Variants in UBTD2 observed in about 807,000 individuals in gnomAD.
UBTD2 encodes ubiquitin domain-containing protein 2.
Under a neutral mutation model 19.8 loss-of-function variants are expected in UBTD2, and 9 were observed. That is an observed-to-expected ratio of 0.46 (90% confidence interval 0.27 to 0.79). The LOEUF (loss-of-function observed/expected upper bound fraction) is 0.79, where lower values mean the gene tolerates loss of function less well. UBTD2 is among the 30% of genes least tolerant of loss of function. The pLI is 0.14. For synonymous variants in UBTD2, 98 were observed against 103.9 expected, an observed-to-expected ratio of 0.94 and a Z score of 0.35; for missense variants, 250 against 300.4, an observed-to-expected ratio of 0.83 and a Z score of 1.24.
chr5:172,283,466 G>C lies in UBTD2; in HGVS notation c.70+130C>G. The C allele has an allele frequency of 3.0e-6, 2 of 674,454 alleles. No individual in the cohort carries two copies. Among genetic ancestry groups the C allele is most frequent in the South Asian group, 7.0e-5 (1 of 14,272 alleles). The allele number at this position is 674,454 out of a possible 1,614,324, so 41.8% of individuals were successfully genotyped here. A position where few individuals can be genotyped will look rare whatever the true frequency, so the allele number is the denominator to read the frequency against. On this transcript the variant is annotated intron_variant, in intron 1 of 2. Coordinates refer to ENST00000393792, the MANE Select transcript of UBTD2 (RefSeq NM_152277.3). This position sits in a 1 kb window ranked among gnomAD's most constrained non-coding sequence, Gnocchi z 4.3. ...GGCAGGACAGCCGGAAGCGGAGCGC[G>C]GGGAATGACGTGGAAGAGGGGATGA... is the stretch of plus-strand genomic sequence containing the variant.
At chr5:172,251,761 C>T (rs1228708294) in intron 1 of UBTD2, among the ~76,000 whole-genome samples, 1 of 152,098 alleles carries the variant, frequency 6.6e-6, no homozygotes, top group Non-Finnish European at 1.5e-5. Flanking sequence ...ACAAGAAATG[C>T]TAAAGGTAAT....
At chr5:172,255,473 TGA>T (rs1755121661) in intron 1 of UBTD2, 1 of 414,180 alleles carries the variant, frequency 2.4e-6, no homozygotes, top group Non-Finnish European at 4.9e-6. Flanking sequence ...TGTTTGGCTT[TGA>T]GAGGTGTGGT....
chr5:172,266,370 T>G (rs1367328543), intron 1 of UBTD2, among the ~76,000 whole-genome samples: 3 of 152,210 alleles, frequency 2.0e-5, no homozygotes, highest in African/African-American at 7.2e-5. Context: ...CCATTCTTCA[T>G]AAGCAACAGT....
rs1418807411 is a variant in UBTD2, at chr5:172,239,476, A to G, written c.71-5118T>C. Among the ~76,000 whole-genome samples, 3 of 151,820 alleles carry G rather than the reference A, an allele frequency of 2.0e-5. No individual in the cohort carries two copies. In the East Asian group the frequency reaches 5.9e-4, roughly 30 times the overall value. ...ACTCTTGTTGCCCAGGCTGGAGTGC[A>G]ATGGCATGATCTCGGCTCACTGCCA... On this transcript the variant is annotated intron_variant, in intron 1 of 2. Transcript: ENST00000393792.
intron 2 of UBTD2, among the ~76,000 whole-genome samples, chr5:172,227,544 A>AT (rs1164528145): frequency 0.018 from 2,669 of 146,478 alleles, 57 homozygotes; most frequent in African/African-American, 0.06. Flanking sequence ...TAAATGACAA[A>AT]TTTTTTTTTT....
chr5:172,255,749 G>A (rs988370579), intron 1 of UBTD2, among the ~76,000 whole-genome samples: 1 of 152,138 alleles, frequency 6.6e-6, no homozygotes, highest in Admixed American at 6.5e-5. Context: ...AGAAGAGGCT[G>A]GGACCCAGGG....
chr5:172,227,830 G>A (rs1010575262), intron 2 of UBTD2, among the ~76,000 whole-genome samples: 3 of 142,198 alleles, frequency 2.1e-5, no homozygotes, highest in Non-Finnish European at 4.5e-5. Context: ...ACAGGCACCC[G>A]CCACCATGCC....
intron 2 of UBTD2, among the ~76,000 whole-genome samples, chr5:172,215,396 A>G (rs946630985): frequency 6.6e-6 from 1 of 152,202 alleles, no homozygotes; most frequent in African/African-American, 2.4e-5. Context: ...AGCCCCTTCT[A>G]GCCATCTTGT....
At chr5:172,255,719 C>T (rs1376198163) in intron 1 of UBTD2, among the ~76,000 whole-genome samples, 5 of 152,258 alleles carry the variant, frequency 3.3e-5, no homozygotes, top group African/African-American at 1.2e-4. Context: ...CTCAGCAAGT[C>T]CCCCGGGGCT....
chr5:172,220,911 T>A (rs1231071554), intron 2 of UBTD2, among the ~76,000 whole-genome samples: 1 of 152,202 alleles, frequency 6.6e-6, no homozygotes, highest in East Asian at 1.9e-4. Flanking sequence ...AATAAGCAAT[T>A]ATAGCAAGGT....
chr5:172,280,094 C>T (rs918893328), intron 1 of UBTD2, among the ~76,000 whole-genome samples: 12 of 149,554 alleles, frequency 8.0e-5, no homozygotes, highest in Non-Finnish European at 1.3e-4. Context: ...AAGAGTGAAA[C>T]GACGTCTCAA....
At chr5:172,227,053 A>T (rs1055766326) in intron 2 of UBTD2, among the ~76,000 whole-genome samples, 1 of 152,196 alleles carries the variant, frequency 6.6e-6, no homozygotes, top group Admixed American at 6.5e-5. Context: ...AGCAGACTAG[A>T]AGCACCTGAA....
At chr5:172,227,966 A>C (rs915017229) in intron 2 of UBTD2, among the ~76,000 whole-genome samples, 3 of 152,122 alleles carry the variant, frequency 2.0e-5, no homozygotes, top group Non-Finnish European at 4.4e-5. Context: ...GGCATGAGCC[A>C]CTGTGCCCGG....
intron 2 of UBTD2, among the ~76,000 whole-genome samples, chr5:172,224,584 C>T (rs2113882002): frequency 6.6e-6 from 1 of 152,250 alleles, no homozygotes; most frequent in Non-Finnish European, 1.5e-5. Flanking sequence ...AGCCACTGTG[C>T]CCGGCCAAGA....
At chr5:172,268,516 C>T (rs548486591) in intron 1 of UBTD2, among the ~76,000 whole-genome samples, 43 of 152,212 alleles carry the variant, frequency 2.8e-4, no homozygotes, top group African/African-American at 9.2e-4. Flanking sequence ...GTCGGCCGGG[C>T]GTGGCAGATC....
chr5:172,219,857 G>C (rs1199050230), intron 2 of UBTD2, among the ~76,000 whole-genome samples: 1 of 152,176 alleles, frequency 6.6e-6, no homozygotes, highest in African/African-American at 2.4e-5. Flanking sequence ...GACAAGAAAA[G>C]AATTGTGTTC....
intron 1 of UBTD2, among the ~76,000 whole-genome samples, chr5:172,261,733 T>C (rs1022839548): frequency 6.6e-6 from 1 of 152,166 alleles, no homozygotes; most frequent in Non-Finnish European, 1.5e-5. Flanking sequence ...CAAGTGATTC[T>C]CGTGCCTTAG....
chr5:172,222,752 G>C (rs1771678292), intron 2 of UBTD2, among the ~76,000 whole-genome samples: 2 of 152,180 alleles, frequency 1.3e-5, no homozygotes, highest in South Asian at 4.1e-4. Flanking sequence ...TGTTGAAGTA[G>C]AATACAGATT....
At chr5:172,221,291 G>A (rs745759845) in intron 2 of UBTD2, among the ~76,000 whole-genome samples, 7 of 152,046 alleles carry the variant, frequency 4.6e-5, no homozygotes, top group Non-Finnish European at 7.4e-5. Flanking sequence ...ATGGCTTGAG[G>A]CTAACAGTTC....
Sources: allele counts gnomAD v4.1 joint callset (sites outside exome capture counted in the v4.1 genomes callset), GRCh38; gene constraint gnomAD v4.1.1; non-coding constraint Gnocchi (gnomAD v3.1); transcripts MANE v1.5; gene names NCBI Gene and HGNC (gene_info 2026-07-23, HGNC 2026-07-21).